The following ESR1 variants were observed in gnomAD, a reference collection of about 807,000 sequenced individuals.
The protein encoded by ESR1 is estrogen receptor.
In ESR1, 12 loss-of-function variants were observed where a neutral mutation model predicts 52.7. The ratio of observed to expected loss-of-function variants is 0.23; its 90% confidence interval spans 0.15 to 0.37. The LOEUF (loss-of-function observed/expected upper bound fraction) is 0.37, where lower values mean the gene tolerates loss of function less well. ESR1 is among the 10% of genes least tolerant of loss of function. ESR1 has a pLI of 1.00. For synonymous variants in ESR1, 305 were observed against 316.8 expected (o/e 0.96, Z 0.39); for missense variants, 584 against 779.7 (o/e 0.75, Z 2.99).
intron 2 of ESR1, among the ~76,000 whole-genome samples, chr6:151,711,947 C>T (rs772728142): frequency 6.6e-6 from 1 of 152,082 alleles, no homozygotes; most frequent in African/African-American, 2.4e-5. Flanking sequence ...AATGGTATTG[C>T]GTTGGTTTTC....
rs60787638 is a variant in ESR1, at chr6:152,003,340, A to ATGTGTGTGTGTG, written c.1097-8295_1097-8284dup. The stretch of plus-strand genomic sequence containing the variant: ...TAAATGGAGGGAAAAAAGGGTAATT[A>ATGTGTGTGTGTG]TGTGTGTGTGTGTGTGTGTGTGTGT... On this transcript the variant is annotated intron_variant, in intron 4 of 7. Transcript: ENST00000206249. Among the ~76,000 whole-genome samples, 96 of 145,644 alleles carry ATGTGTGTGTGTG rather than the reference A, an allele frequency of 6.6e-4. 1 individual carries two copies. The highest frequency in any genetic ancestry group is 2.2e-3 in the African/African-American group (87 of 39,842).
intron 5 of ESR1, among the ~76,000 whole-genome samples, chr6:152,037,220 T>C (rs1257654695): frequency 6.6e-6 from 1 of 151,836 alleles, no homozygotes; most frequent in Non-Finnish European, 1.5e-5. Flanking sequence ...AAATATTTAA[T>C]GAAGGGAGAG....
intron 2 of ESR1, among the ~76,000 whole-genome samples, chr6:151,781,599 A>G (rs1351663967): frequency 1.3e-5 from 2 of 152,244 alleles, no homozygotes; most frequent in Non-Finnish European, 2.9e-5. Flanking sequence ...TTGATCCCCT[A>G]CATCCCACCG....
At chr6:152,108,963 G>C (rs1399994880) in intron 6 of ESR1, among the ~76,000 whole-genome samples, 2 of 152,224 alleles carry the variant, frequency 1.3e-5, no homozygotes, top group Non-Finnish European at 2.9e-5. Context: ...AGGCATGGCA[G>C]CATCTGCTCA....
chr6:151,755,729 C>T (rs995926543), intron 2 of ESR1, among the ~76,000 whole-genome samples: 2 of 152,040 alleles, frequency 1.3e-5, no homozygotes, highest in Non-Finnish European at 2.9e-5. Flanking sequence ...CTCCCAGATT[C>T]AAGTGATTCT....
At chr6:152,074,189 A>T (rs1160996898) in intron 6 of ESR1, among the ~76,000 whole-genome samples, 1 of 152,144 alleles carries the variant, frequency 6.6e-6, no homozygotes, top group African/African-American at 2.4e-5. Flanking sequence ...TGTATGCACT[A>T]TTGTAATATA....
intron 2 of ESR1, among the ~76,000 whole-genome samples, chr6:151,736,375 G>GGTTTTTTTTTTTTTTTTTTTTT (rs1554247186): frequency 1.8e-5 from 2 of 112,742 alleles, no homozygotes; most frequent in African/African-American, 7.6e-5. Flanking sequence ...TCCAGGTAGT[G>GGTTTTTTTTTTTTTTTTTTTTT]TTTTTTTTTT....
chr6:151,902,556 T>C (rs1488791372), intron 3 of ESR1, among the ~76,000 whole-genome samples: 2 of 152,220 alleles, frequency 1.3e-5, no homozygotes, highest in East Asian at 3.9e-4. Context: ...TTATGTAGCA[T>C]TGTGGTTTAA....
chr6:151,882,384 T>A (rs989158376), intron 3 of ESR1, among the ~76,000 whole-genome samples: 1 of 152,206 alleles, frequency 6.6e-6, no homozygotes, highest in African/African-American at 2.4e-5. Context: ...GCAGCTTTAA[T>A]TCAAAGGGTA....
Position 152,099,284 on chromosome 6 carries a change from C to G in ESR1, c.*318C>G. ...TCTATGGGTTGGGGCTCAGATAACT[C>G]TGTGCATTTAAGCTACTTGTAGAGA... On this transcript the variant is annotated 3_prime_UTR_variant, in exon 8 of 8. Transcript: ENST00000206249. 4.3e-6 allele frequency: 2 copies of G among 463,448 alleles called. No individual in the cohort carries two copies. Among genetic ancestry groups the G allele is most frequent in the Non-Finnish European group, 8.0e-6 (2 of 249,774 alleles). The allele number at this position is 463,448 out of a possible 1,614,324, so 28.7% of individuals were successfully genotyped here.
intron 2 of ESR1, among the ~76,000 whole-genome samples, chr6:151,703,874 C>G (rs1287467745): frequency 6.6e-6 from 1 of 152,182 alleles, no homozygotes; most frequent in East Asian, 1.9e-4. Flanking sequence ...GTCTAAGGTG[C>G]TGTTGCTGAG....
At chr6:151,887,964 C>G (rs1794127349) in intron 3 of ESR1, among the ~76,000 whole-genome samples, 1 of 152,108 alleles carries the variant, frequency 6.6e-6, no homozygotes, top group Non-Finnish European at 1.5e-5. Context: ...CCATTGTGTG[C>G]TTTTAGCAGC....
intron 1 of ESR1, among the ~76,000 whole-genome samples, chr6:151,829,581 A>C (rs115885710): frequency 1.2e-4 from 19 of 152,302 alleles, no homozygotes; most frequent in African/African-American, 4.6e-4. Flanking sequence ...TTCATCTTTT[A>C]TCCATTTTAT....
intron 4 of ESR1, among the ~76,000 whole-genome samples, chr6:151,963,536 C>A (rs2128606514): frequency 6.6e-6 from 1 of 152,256 alleles, no homozygotes; most frequent in Non-Finnish European, 1.5e-5. Context: ...TATTTGTTTT[C>A]TTCCTTTTGA....
At chr6:151,878,696 G>T (rs553623041) in intron 2 of ESR1, among the ~76,000 whole-genome samples, 169 of 152,222 alleles carry the variant, frequency 1.1e-3, no homozygotes, top group African/African-American at 3.9e-3. Context: ...TCAGTTTTGG[G>T]GTGGGAGAAT....
intron 2 of ESR1, among the ~76,000 whole-genome samples, chr6:151,779,722 C>G (rs893106913): frequency 2.0e-5 from 3 of 151,944 alleles, no homozygotes; most frequent in Non-Finnish European, 2.9e-5. Context: ...GACACATGCA[C>G]ACGTATGTTT....
At chr6:151,779,849 G>A (rs1431458766) in intron 2 of ESR1, among the ~76,000 whole-genome samples, 6 of 123,676 alleles carry the variant, frequency 4.9e-5, no homozygotes, top group Non-Finnish European at 1.0e-4. Context: ...GCAGTGAGCC[G>A]AGATCCCGCC....
At chr6:151,951,888 AT>A (rs2036366749) in intron 4 of ESR1, among the ~76,000 whole-genome samples, 1 of 152,160 alleles carries the variant, frequency 6.6e-6, no homozygotes, top group South Asian at 2.1e-4. Context: ...CTTGTTCCTC[AT>A]TCAACAGTGG....
At chr6:151,690,240 C>T (rs80185473), upstream of ESR1, among the ~76,000 whole-genome samples, 66 of 152,164 alleles carry the variant, frequency 4.3e-4, no homozygotes, top group East Asian at 0.01. Context: ...CTCCACATGC[C>T]TGTCTAGACT....
Sources: gnomAD v4.1 joint callset for allele counts (sites outside exome capture counted in the v4.1 genomes callset) on GRCh38, gnomAD v4.1.1 for gene constraint, MANE v1.5 for transcripts, NCBI Gene and HGNC (gene_info 2026-07-23, HGNC 2026-07-21) for gene names.